NOL4: variants seen among roughly 807,000 people sequenced by gnomAD.
NOL4 encodes cancer/testis antigen 125.
Under a neutral mutation model 75.9 loss-of-function variants are expected in NOL4, and 17 were observed. The observed-to-expected ratio is 0.22, with a 90% CI of 0.15 to 0.34. The LOEUF (loss-of-function observed/expected upper bound fraction) is 0.34. NOL4 is among the 10% of genes least tolerant of loss of function. NOL4 has a pLI of 1.00. For missense variants in NOL4, 614 were observed against 793.5 expected, an observed-to-expected ratio of 0.77 and a Z score of 2.72; for synonymous variants, 292 against 289.9, an observed-to-expected ratio of 1.01 and a Z score of -0.07.
At chr18:33,863,606 T>A (rs1427175270) in intron 10 of NOL4, among the ~76,000 whole-genome samples, 1 of 152,194 alleles carries the variant, frequency 6.6e-6, no homozygotes. Context: ...ATGTCTCACA[T>A]CCAGGGCATG....
At chr18:33,875,858 T>C (rs2063910775) in intron 10 of NOL4, among the ~76,000 whole-genome samples, 1 of 152,042 alleles carries the variant, frequency 6.6e-6, no homozygotes. Context: ...AAGGAATGCA[T>C]ATGTATAATG....
intron 6 of NOL4, among the ~76,000 whole-genome samples, chr18:34,010,159 A>T (rs2074289686): frequency 1.3e-5 from 2 of 151,002 alleles, no homozygotes; most frequent in South Asian, 4.2e-4. Flanking sequence ...TCTCCCCATT[A>T]CTCTTCTCAC....
chr18:34,188,978 TA>T (rs1295587517), intron 1 of NOL4, among the ~76,000 whole-genome samples: 1 of 152,184 alleles, frequency 6.6e-6, no homozygotes, highest in Non-Finnish European at 1.5e-5. Flanking sequence ...TCCAATATAT[TA>T]ACTCCTATCA....
At chr18:34,060,779 A>T (rs1187768893) in intron 5 of NOL4, among the ~76,000 whole-genome samples, 1 of 152,218 alleles carries the variant, frequency 6.6e-6, no homozygotes, top group African/African-American at 2.4e-5. Context: ...GAAAGTTCAC[A>T]TGTGGTGCCT....
intron 5 of NOL4, among the ~76,000 whole-genome samples, chr18:34,064,752 G>A (rs2077198411): frequency 6.6e-6 from 1 of 151,770 alleles, no homozygotes; most frequent in African/African-American, 2.4e-5. Flanking sequence ...AAGTTCTGTG[G>A]TTTGTCTTTA....
At chr18:34,125,424 C>T (rs1234453382) in intron 2 of NOL4, among the ~76,000 whole-genome samples, 1 of 152,140 alleles carries the variant, frequency 6.6e-6, no homozygotes, top group Admixed American at 6.5e-5. Context: ...TACTTTTCCA[C>T]ACCATATGGC....
intron 5 of NOL4, among the ~76,000 whole-genome samples, chr18:34,031,369 A>C (rs2075631649): frequency 6.6e-6 from 1 of 152,236 alleles, no homozygotes; most frequent in South Asian, 2.1e-4. Flanking sequence ...CATGAAATGT[A>C]AAGAAAAGAC....
chr18:34,036,939 T>C (rs913829637), intron 5 of NOL4, among the ~76,000 whole-genome samples: 1 of 151,962 alleles, frequency 6.6e-6, no homozygotes, highest in Non-Finnish European at 1.5e-5. Flanking sequence ...CTTAAAAAAA[T>C]AAATAAATAA....
At chr18:34,134,023 A>G (rs1444616573) in intron 1 of NOL4, among the ~76,000 whole-genome samples, 2 of 152,170 alleles carry the variant, frequency 1.3e-5, no homozygotes, top group African/African-American at 4.8e-5. Context: ...ACTTCGCCTC[A>G]AAATATATAT....
chr18:33,938,506 T>C (rs1042322183), intron 9 of NOL4, among the ~76,000 whole-genome samples: 1 of 152,162 alleles, frequency 6.6e-6, no homozygotes, highest in Non-Finnish European at 1.5e-5. Context: ...TCATTGTGGT[T>C]TTGATTTGCA....
chr18:34,041,511 T>C (rs1431338335), intron 5 of NOL4, among the ~76,000 whole-genome samples: 1 of 124,324 alleles, frequency 8.0e-6, no homozygotes, highest in African/African-American at 2.9e-5. Flanking sequence ...TTAGCTAAAA[T>C]GAAAAAAAAA....
chr18:33,894,276 T>G (rs980873401), intron 9 of NOL4, among the ~76,000 whole-genome samples: 2 of 152,074 alleles, frequency 1.3e-5, no homozygotes, highest in Admixed American at 6.6e-5. Context: ...AAAGGGAATG[T>G]GATTATTATT....
intron 10 of NOL4, among the ~76,000 whole-genome samples, chr18:33,868,184 A>C (rs2063522956): frequency 6.6e-6 from 1 of 150,914 alleles, no homozygotes; most frequent in Non-Finnish European, 1.5e-5. Context: ...GCTACAGGCC[A>C]TGCTACTACA....
Position 33,932,121 on chromosome 18 carries a change from T to C in NOL4, c.1542+10944A>G, listed in dbSNP as rs73955083. Among the ~76,000 whole-genome samples the C allele has an allele frequency of 8.5e-3, 1,291 of 152,200 alleles. 15 individuals are homozygous for C. The highest frequency in any genetic ancestry group is 0.029 in the African/African-American group (1,210 of 41,538). On this transcript the variant is annotated intron_variant, in intron 9 of 10. Transcript: ENST00000261592. ...CTGATGATTTCATTATCTCTTTTAG[T>C]GCCATAGTATCCCCACATTTCCACA...
intron 5 of NOL4, among the ~76,000 whole-genome samples, chr18:34,084,181 G>T (rs1344821858): frequency 6.6e-6 from 1 of 152,162 alleles, no homozygotes; most frequent in Non-Finnish European, 1.5e-5. Context: ...AGGCAGTCTG[G>T]CTGCCCCTTG....
At chr18:34,221,922 G>A in intron 1 of NOL4, 2 of 976,880 alleles carry the variant, frequency 2.0e-6, no homozygotes, top group East Asian at 2.7e-5. Flanking sequence ...AGTACAGGAG[G>A]GGGGAAAGGA....
At chr18:34,137,738 T>C (rs2080951694) in intron 1 of NOL4, among the ~76,000 whole-genome samples, 2 of 150,272 alleles carry the variant, frequency 1.3e-5, no homozygotes, top group Non-Finnish European at 3.0e-5. Context: ...AACATAGACT[T>C]ACCAGACGAC....
intron 5 of NOL4, among the ~76,000 whole-genome samples, chr18:34,027,911 A>G (rs896559783): frequency 2.0e-5 from 3 of 152,196 alleles, no homozygotes; most frequent in African/African-American, 7.2e-5. Context: ...ATTCCCAGAT[A>G]ATGAGTATCC....
At chr18:34,099,920 T>C (rs1223460339) in intron 4 of NOL4, among the ~76,000 whole-genome samples, 1 of 152,172 alleles carries the variant, frequency 6.6e-6, no homozygotes, top group African/African-American at 2.4e-5. Context: ...ATGACTTTAC[T>C]TGAAACTCAA....
Sources: allele counts gnomAD v4.1 joint callset (sites outside exome capture counted in the v4.1 genomes callset), GRCh38; gene constraint gnomAD v4.1.1; transcripts MANE v1.5; gene names NCBI Gene and HGNC (gene_info 2026-07-23, HGNC 2026-07-21).